Variants in PDGFD observed in about 807,000 individuals in gnomAD.
The protein encoded by PDGFD is platelet-derived growth factor D.
PDGFD carries 30 observed loss-of-function variants against 44.7 expected under a neutral mutation model. That is an observed-to-expected ratio of 0.67 (90% CI 0.50 to 0.91). The LOEUF (loss-of-function observed/expected upper bound fraction) is 0.91. Among genes scored for constraint, PDGFD ranks in the 40% least tolerant of loss-of-function variants. The pLI, the probability that PDGFD is intolerant of heterozygous loss-of-function variation, is 0.00. For synonymous variants in PDGFD, 173 were observed against 168.4 expected, an observed-to-expected ratio of 1.03 and a Z score of -0.21; for missense variants, 445 against 457.8, an observed-to-expected ratio of 0.97 and a Z score of 0.25.
At chr11:104,024,281 A>T (rs1433908168) in intron 1 of PDGFD, among the ~76,000 whole-genome samples, 2 of 152,182 alleles carry the variant, frequency 1.3e-5, no homozygotes, top group Admixed American at 1.3e-4. Flanking sequence ...CATGCAAAAA[A>T]AAAGAGATCA....
In PDGFD at chr11:103,982,267, G is replaced by T. The variant is rs1859282515; in HGVS notation, c.510+13798C>A. ...GTCACTTAATATGTCATTGGGGATA[G>T]ATTTTTTTGCTTTTACTCCAAAATA... On this transcript the variant is annotated intron_variant, in intron 3 of 6. Coordinates refer to ENST00000393158, the MANE Select transcript of PDGFD (RefSeq NM_025208.5). Among the ~76,000 whole-genome samples, 3 of 151,722 alleles carry T rather than the reference G, an allele frequency of 2.0e-5. No homozygotes were observed. In the South Asian group the frequency reaches 6.2e-4, roughly 31 times the overall value.
intron 3 of PDGFD, among the ~76,000 whole-genome samples, chr11:103,961,958 T>C (rs534242945): frequency 7.2e-4 from 109 of 152,252 alleles, no homozygotes; most frequent in African/African-American, 2.2e-3. Context: ...TGCTCACATG[T>C]CTCCTTTTCA....
rs931434942 is a variant in PDGFD at position 104,107,772 on chromosome 11, A to C, written c.124+56032T>G. 1.1e-4 allele frequency among the ~76,000 whole-genome samples: 17 copies of C among 152,288 alleles called. No homozygotes were observed. The Middle Eastern group carries it at 0.014, about 123-fold the overall frequency. ...CCTCTTTTTGCCTCAGTTTCTTCAC[A>C]TACAAAATGGGAATGATTTTATTAT... On this transcript the variant is annotated intron_variant, in intron 1 of 6. Transcript: ENST00000393158.
intron 1 of PDGFD, among the ~76,000 whole-genome samples, chr11:104,014,483 G>A (rs1477176997): frequency 1.3e-5 from 2 of 152,190 alleles, no homozygotes; most frequent in Non-Finnish European, 2.9e-5. Flanking sequence ...ATGACAGAGT[G>A]AGATCCTCTC....
intron 1 of PDGFD, among the ~76,000 whole-genome samples, chr11:104,109,346 T>C (rs1321123251): frequency 6.6e-6 from 1 of 152,138 alleles, no homozygotes; most frequent in African/African-American, 2.4e-5. Context: ...CTCAGTCTCT[T>C]CATCCATAAG....
At chr11:104,107,794 T>C (rs1861492021) in intron 1 of PDGFD, among the ~76,000 whole-genome samples, 1 of 152,178 alleles carries the variant, frequency 6.6e-6, no homozygotes, top group Non-Finnish European at 1.5e-5. Context: ...AATGATTTTA[T>C]TATTTGTGAG....
chr11:103,938,695 A>G (rs1423949404), intron 5 of PDGFD, among the ~76,000 whole-genome samples: 1 of 152,166 alleles, frequency 6.6e-6, no homozygotes, highest in African/African-American at 2.4e-5. Flanking sequence ...TAGGTCTAAC[A>G]TTTAAGTCTT....
At chr11:104,154,887 A>G (rs1378370553) in intron 1 of PDGFD, among the ~76,000 whole-genome samples, 2 of 152,204 alleles carry the variant, frequency 1.3e-5, no homozygotes, top group African/African-American at 4.8e-5. Flanking sequence ...AAAGTCTACA[A>G]TATTTACTAT....
intron 3 of PDGFD, among the ~76,000 whole-genome samples, chr11:103,993,085 T>G (rs1011129659): frequency 8.0e-5 from 12 of 150,818 alleles, no homozygotes; most frequent in Admixed American, 5.3e-4. Flanking sequence ...GTTTGTTTGT[T>G]TTTAGACAGG....
At chr11:103,955,119 C>G (rs867092822) in intron 3 of PDGFD, among the ~76,000 whole-genome samples, 75 of 125,432 alleles carry the variant, frequency 6.0e-4, no homozygotes, top group Middle Eastern at 5.1e-3. Flanking sequence ...AGCCGAGATC[C>G]CGCCACTGCA....
chr11:104,154,778 C>G (rs139378753), intron 1 of PDGFD, among the ~76,000 whole-genome samples: 1 of 152,196 alleles, frequency 6.6e-6, no homozygotes, highest in Non-Finnish European at 1.5e-5. Context: ...TATTCAGACA[C>G]AGACTGACCA....
At chr11:104,108,908 G>C (rs1036993539) in intron 1 of PDGFD, among the ~76,000 whole-genome samples, 1 of 152,072 alleles carries the variant, frequency 6.6e-6, no homozygotes, top group Non-Finnish European at 1.5e-5. Flanking sequence ...GTAGGGACAT[G>C]GATGAAGCTG....
intron 1 of PDGFD, among the ~76,000 whole-genome samples, chr11:104,140,901 A>G (rs1433147047): frequency 6.6e-6 from 1 of 152,218 alleles, no homozygotes; most frequent in African/African-American, 2.4e-5. Context: ...GCTAATAGCT[A>G]TATGTAAGCT....
chr11:103,926,593 T>C (rs550063161), intron 6 of PDGFD, among the ~76,000 whole-genome samples: 1 of 152,352 alleles, frequency 6.6e-6, no homozygotes, highest in East Asian at 1.9e-4. Flanking sequence ...TATTTCTCTT[T>C]TTTTCTGTCT....
intron 5 of PDGFD, among the ~76,000 whole-genome samples, chr11:103,932,190 T>TG (rs958344691): frequency 6.6e-6 from 1 of 152,130 alleles, no homozygotes; most frequent in South Asian, 2.1e-4. Flanking sequence ...CATGAGTTTT[T>TG]TTTTTTTTAC....
chr11:103,909,913 A>G (rs901399155), intron 6 of PDGFD, 94 bp from the exon 7 acceptor site: 5 of 1,487,348 alleles, frequency 3.4e-6, no homozygotes, highest in Non-Finnish European at 4.6e-6. Context: ...ACTAGTTCTT[A>G]GCCCTTTGAG....
At chr11:103,968,179 T>G (rs1253798600) in intron 3 of PDGFD, among the ~76,000 whole-genome samples, 1 of 152,154 alleles carries the variant, frequency 6.6e-6, no homozygotes, top group Non-Finnish European at 1.5e-5. Context: ...TTCTCTTGAG[T>G]GCCTTCTTTT....
chr11:104,019,874 C>T lies in PDGFD; in HGVS notation c.125-19619G>A, dbSNP rs374616576. On this transcript the variant is annotated intron_variant, in intron 1 of 6. Transcript: ENST00000393158. ...CTACTACTTTCTAGTTGTGTGTCTTCGGGAAAAAAATCACCTAATCTACAT... is the reference window on the plus strand; with the variant it reads ...CTACTACTTTCTAGTTGTGTGTCTTTGGGAAAAAAATCACCTAATCTACAT... 2.8e-4 allele frequency among the ~76,000 whole-genome samples: 43 copies of T among 151,998 alleles called. No homozygotes were observed. In the South Asian group the frequency reaches 4.4e-3, roughly 15 times the overall value.
chr11:103,957,298 A>G (rs1010267704), intron 3 of PDGFD, among the ~76,000 whole-genome samples: 6 of 152,194 alleles, frequency 3.9e-5, no homozygotes, highest in Admixed American at 1.3e-4. Flanking sequence ...TGCCCAAGGT[A>G]ATTTATAGAT....
Sources: gnomAD v4.1 joint callset for allele counts (sites outside exome capture counted in the v4.1 genomes callset) on GRCh38, gnomAD v4.1.1 for gene constraint, MANE v1.5 for transcripts, NCBI Gene and HGNC (gene_info 2026-07-23, HGNC 2026-07-21) for gene names.